WDR20: variants seen among roughly 807,000 people sequenced by gnomAD.
The protein encoded by WDR20 is WD repeat-containing protein 20.
Under a neutral mutation model 38.7 loss-of-function variants are expected in WDR20, and 3 were observed. That is an observed-to-expected ratio of 0.08 (90% confidence interval 0.04 to 0.20). The LOEUF is 0.20. Among genes scored for constraint, WDR20 ranks in the 10% least tolerant of loss-of-function variants. The pLI is 1.00. For synonymous variants in WDR20, 298 were observed against 285.6 expected (o/e 1.04, Z -0.44); for missense variants, 559 against 727.7 (o/e 0.77, Z 2.67).
In WDR20 at chr14:102,187,551, T is replaced by C. The variant is rs80150917; in HGVS notation, c.250-7387T>C. 3.9e-3 allele frequency among the ~76,000 whole-genome samples: 584 copies of C among 150,254 alleles called. 9 individuals carry two copies. In the East Asian group the frequency reaches 0.049, roughly 13 times the overall value. On this transcript the variant is annotated intron_variant, in intron 1 of 2. Coordinates refer to ENST00000342702, the MANE Select transcript of WDR20 (RefSeq NM_144574.4). ...AGCCAAGGGTCTTTGGGGTAATGTATGTGGAGGGGCGGGGGTGATAAGGCC... is the reference window on the plus strand; with the variant it reads ...AGCCAAGGGTCTTTGGGGTAATGTACGTGGAGGGGCGGGGGTGATAAGGCC...
chr14:102,170,133 G>A (rs2060522217), intron 1 of WDR20, among the ~76,000 whole-genome samples: 1 of 152,120 alleles, frequency 6.6e-6, no homozygotes, highest in African/African-American at 2.4e-5. Context: ...ACCTTGTTTT[G>A]ATTTGTATAC....
chr14:102,140,725 C>T (rs1045345568), intron 1 of WDR20, among the ~76,000 whole-genome samples: 10 of 152,234 alleles, frequency 6.6e-5, no homozygotes, highest in African/African-American at 1.7e-4. Context: ...CTAGGAGCCT[C>T]TCCTGGTGTT....
chr14:102,177,290 T>C (rs1003396106), intron 1 of WDR20, among the ~76,000 whole-genome samples: 1 of 152,220 alleles, frequency 6.6e-6, no homozygotes. Flanking sequence ...TACTTGCCAA[T>C]GCCATTGCCC....
At chr14:102,187,185 A>G (rs1486946418) in intron 1 of WDR20, among the ~76,000 whole-genome samples, 3 of 152,170 alleles carry the variant, frequency 2.0e-5, no homozygotes, top group African/African-American at 4.8e-5. Context: ...CTGATTTTCA[A>G]AATGGCTTAT....
intron 2 of WDR20, among the ~76,000 whole-genome samples, chr14:102,201,617 G>GCTAT (rs201198160): frequency 0.013 from 2,006 of 152,306 alleles, 51 homozygotes; most frequent in African/African-American, 0.046. Flanking sequence ...ACTATGGGGA[G>GCTAT]GGCCGCGCTG....
At chr14:102,186,727 G>A (rs1596479896) in intron 1 of WDR20, among the ~76,000 whole-genome samples, 2 of 152,050 alleles carry the variant, frequency 1.3e-5, no homozygotes, top group South Asian at 2.1e-4. Context: ...CGAGGCAGGC[G>A]GATCACGAGG....
chr14:102,211,357 G>A (rs1367979131), downstream of WDR20, among the ~76,000 whole-genome samples: 1 of 152,072 alleles, frequency 6.6e-6, no homozygotes, highest in Non-Finnish European at 1.5e-5. The surrounding 1 kb of genome is among the most constrained non-coding windows in gnomAD (Gnocchi z 4.2). Flanking sequence ...TGAAGCAGCA[G>A]CTCCCTGTGC....
chr14:102,182,459 T>C (rs1006002858), intron 1 of WDR20, among the ~76,000 whole-genome samples: 4 of 152,196 alleles, frequency 2.6e-5, no homozygotes, highest in Non-Finnish European at 4.4e-5. Context: ...CCTGTGGTCT[T>C]AATTGGTGTG....
chr14:102,221,500 G>C lies in WDR20; in HGVS notation c.1693-1330G>C, dbSNP rs1306663279. Among the ~76,000 whole-genome samples the C allele has an allele frequency of 6.6e-6, 1 of 152,212 alleles. No individual in the cohort carries two copies. ...CAGGCTTGATGTGTTTGAGCCAGAA[G>C]TATGGGGCGTTTGCGGGGTCCTCCA... On this transcript the variant is annotated intron_variant, in intron 3 of 3. Transcript: ENST00000335263. The surrounding 1 kb of genome is among the most constrained non-coding windows in gnomAD (Gnocchi z 4.8).
rs1743371279 is a variant in WDR20, at chr14:102,220,262, A to G, written c.1693-2568A>G. 6.6e-6 allele frequency among the ~76,000 whole-genome samples: 1 copy of G among 152,184 alleles called. No individual in the cohort carries two copies. The highest frequency in any genetic ancestry group is 1.5e-5 in the Non-Finnish European group (1 of 68,030). The stretch of plus-strand genomic sequence containing the variant: ...AGTCTAAGGAAGGGTGCTGTCCCTC[A>G]TGGCCGTCAGAAGCCACCTGCAGCC... On this transcript the variant is annotated intron_variant, in intron 3 of 3. Coordinates refer to the WDR20 transcript ENST00000335263. This position sits in a 1 kb window ranked among gnomAD's most constrained non-coding sequence, Gnocchi z 4.2.
At chr14:102,158,917 G>A (rs1040064716) in intron 1 of WDR20, among the ~76,000 whole-genome samples, 3 of 151,902 alleles carry the variant, frequency 2.0e-5, no homozygotes, top group African/African-American at 7.3e-5. Flanking sequence ...TTGTCAGGGG[G>A]AGAGACTCTT....
In WDR20 at chr14:102,140,154, C is replaced by T. The variant is rs1171318509; in HGVS notation, c.231C>T (p.Ile77=). The T allele has an allele frequency of 6.2e-7, 1 of 1,613,332 alleles. No homozygotes were observed. The highest frequency in any genetic ancestry group is 8.5e-7 in the Non-Finnish European group (1 of 1,180,018). The change falls in exon 1 of 3, where the codon ATC becomes ATT. Residue 77 remains isoleucine (I), a synonymous_variant. Coordinates refer to ENST00000342702, the MANE Select transcript of WDR20 (RefSeq NM_144574.4). ...FNVGRELYFY[I]YKGVRKAADL... is the part of the protein sequence containing the mutation. The stretch of plus-strand genomic sequence containing the variant: ...TGGGCCGGGAGCTGTACTTCTATAT[C>T]TACAAGGGGGTCCGCAAGGTACCGA...
At position 102,172,252 on chromosome 14, in the gene WDR20, G is replaced by A. The variant is rs867844386; in HGVS notation, c.250-22686G>A. Among the ~76,000 whole-genome samples, 77 of 149,466 alleles carry A rather than the reference G, an allele frequency of 5.2e-4. 1 individual carries two copies. In the Middle Eastern group the frequency reaches 0.014, roughly 28 times the overall value. On this transcript the variant is annotated intron_variant, in intron 1 of 2. Coordinates refer to ENST00000342702, the MANE Select transcript of WDR20 (RefSeq NM_144574.4). ...AGGTCACAGATCAACAGGATCCCAA[G>A]GCAGAAGAATTTTTCTTAGTACAGA...
rs1555400555 is a variant in WDR20, at chr14:102,200,467, T to TGTGTG, written c.432+5347_432+5348insGTGTG. On this transcript the variant is annotated intron_variant, in intron 2 of 2. Transcript: ENST00000342702. ...GAGTTTACTTTTTAAATTTTTTTTT[T>TGTGTG]TGTGTGTGTGTGTGTGTGTGTGTGT... is the stretch of plus-strand genomic sequence containing the variant. 3.2e-3 allele frequency among the ~76,000 whole-genome samples: 372 copies of TGTGTG among 117,744 alleles called. 2 individuals are homozygous for TGTGTG. The highest frequency in any genetic ancestry group is 7.2e-3 in the African/African-American group (230 of 32,122). 77.2% of individuals were successfully genotyped at this position (117,744 alleles called of 152,430 possible).
At position 102,208,829 on chromosome 14, in the gene WDR20, A is replaced by C. The variant is rs1312122656; in HGVS notation, c.659A>C (p.Glu220Ala). The C allele has an allele frequency of 6.2e-7, 1 of 1,614,018 alleles. No homozygotes were observed. Among genetic ancestry groups the C allele is most frequent in the Non-Finnish European group, 8.5e-7 (1 of 1,180,020 alleles). The change falls in exon 3 of 3, where the codon GAG (glutamate) becomes GCG (alanine). Residue 220 changes from glutamate to alanine, a missense_variant. Coordinates refer to ENST00000342702, the MANE Select transcript of WDR20 (RefSeq NM_144574.4). The surrounding 1 kb of genome is among the most constrained non-coding windows in gnomAD (Gnocchi z 5.6). The part of the protein sequence containing the change: ...RNPLLKWTVG[E>A]GALNEFAFSP... ...CCTCTCCTTAAGTGGACGGTGGGCG[A>C]GGGGGCCCTCAACGAGTTTGCTTTC...
rs2061935776 is a variant in WDR20 at position 102,208,338 on chromosome 14, C to G, written c.433-265C>G. ...CCTGTGCCTGGCATCGTGTCTGGCA[C>G]TTAGTGGCCCCTCTGCAAATATCTG... On this transcript the variant is annotated intron_variant, in intron 2 of 2. Coordinates refer to ENST00000342702, the MANE Select transcript of WDR20 (RefSeq NM_144574.4). This position sits in a 1 kb window ranked among gnomAD's most constrained non-coding sequence, Gnocchi z 5.6. Among the ~76,000 whole-genome samples the G allele has an allele frequency of 6.6e-6, 1 of 152,252 alleles. No homozygotes were observed. Among genetic ancestry groups the G allele is most frequent in the Non-Finnish European group, 1.5e-5 (1 of 68,052 alleles).
At chr14:102,212,943 G>A, downstream of WDR20, 1 of 1,044,826 alleles carries the variant, frequency 9.6e-7, no homozygotes, top group Non-Finnish European at 1.2e-6. Flanking sequence ...CACTGTTCCA[G>A]CGTGTACCAA....
At chr14:102,224,102 C>T (rs976240959), downstream of WDR20, among the ~76,000 whole-genome samples, 4 of 140,730 alleles carry the variant, frequency 2.8e-5, no homozygotes, top group African/African-American at 1.1e-4. Context: ...AGTGCAGTGG[C>T]GCAATCTCGG....
intron 1 of WDR20, among the ~76,000 whole-genome samples, chr14:102,170,146 C>T (rs967430363): frequency 5.9e-5 from 9 of 152,172 alleles, no homozygotes; most frequent in South Asian, 2.1e-4. Context: ...TTGTATACTT[C>T]GGAGATTGTT....
Sources: gnomAD v4.1 joint callset for allele counts (sites outside exome capture counted in the v4.1 genomes callset) on GRCh38, gnomAD v4.1.1 for gene constraint, Gnocchi (gnomAD v3.1) non-coding constraint, MANE v1.5 for transcripts, NCBI Gene and HGNC (gene_info 2026-07-23, HGNC 2026-07-21) for gene names.